The following ZNF81 variants were observed in gnomAD, a reference collection of about 807,000 sequenced individuals.
ZNF81 encodes zinc finger protein 81, also known as zinc finger protein 81 (HFZ20).
Under a neutral mutation model 32.3 loss-of-function variants are expected in ZNF81, and 5 were observed. The ratio of observed to expected loss-of-function variants is 0.15; its 90% CI spans 0.08 to 0.33. ZNF81 has a LOEUF of 0.33. ZNF81 is among the 10% of genes least tolerant of loss of function. The pLI, the probability that ZNF81 is intolerant of heterozygous loss-of-function variation, is 1.00. For missense variants in ZNF81, 379 were observed against 479.8 expected, an observed-to-expected ratio of 0.79 and a Z score of 1.96; for synonymous variants, 163 against 166.8, an observed-to-expected ratio of 0.98 and a Z score of 0.17.
Position 47,888,116 on chromosome X carries a change from C to T in ZNF81, c.172C>T (p.Leu58Phe). The T allele has an allele frequency of 1.7e-6, 2 of 1,209,219 alleles. No homozygotes were observed. The highest frequency in any genetic ancestry group is 2.3e-4 in the Middle Eastern group (1 of 4,319). The change falls in exon 3 of 5, where the codon CTC (leucine) becomes TTC (phenylalanine). Residue 58 changes from leucine (L) to phenylalanine (F), a missense_variant. Coordinates refer to ENST00000338637, the MANE Select transcript of ZNF81 (RefSeq NM_007137.5). ...AATGTTGGAGAACTACAGCCACCTGCTCTCAGTGGGTAAGGACAACCATCC... is the reference window on the plus strand; with the variant it reads ...AATGTTGGAGAACTACAGCCACCTGTTCTCAGTGGGTAAGGACAACCATCC... ...DVMLENYSHL[L>F]SVGFEVPKPE...
chrX:47,910,364 A>T (rs1330090989), intron 4 of ZNF81, among the ~76,000 whole-genome samples: 1 of 112,217 alleles, frequency 8.9e-6, no homozygotes, highest in African/African-American at 3.2e-5. Flanking sequence ...TCAAGAATCT[A>T]CAATGAACTC....
At chrX:47,894,922 A>G (rs1342873570) in intron 3 of ZNF81, among the ~76,000 whole-genome samples, 1 of 111,826 alleles carries the variant, frequency 8.9e-6, no homozygotes. Flanking sequence ...CCCAGGATGA[A>G]TTATATCCTC....
chrX:47,901,096 T>TTTTG (rs782275123), intron 4 of ZNF81, among the ~76,000 whole-genome samples: 1 of 52,488 alleles, frequency 1.9e-5, no homozygotes, highest in East Asian at 3.3e-4. Context: ...ATCTGCCTGC[T>TTTTG]TTTGTTTTTT....
chrX:47,881,766 A>G (rs1044358196), intron 2 of ZNF81, among the ~76,000 whole-genome samples: 2 of 108,928 alleles, frequency 1.8e-5, no homozygotes, highest in South Asian at 7.5e-4. Context: ...ATATTTCAAT[A>G]TATTTATTTT....
intron 2 of ZNF81, among the ~76,000 whole-genome samples, chrX:47,847,901 ATTC>A (rs1459909681): frequency 2.9e-5 from 3 of 104,260 alleles, no homozygotes; most frequent in African/African-American, 1.0e-4. Flanking sequence ...TGAGAATAGA[ATTC>A]TAGATTAGAA....
intron 3 of ZNF81, among the ~76,000 whole-genome samples, chrX:47,893,752 AC>A (rs1330571534): frequency 4.7e-5 from 5 of 106,978 alleles, no homozygotes; most frequent in African/African-American, 1.7e-4. Context: ...CTGAGATGGT[AC>A]CACTGCACTC....
At chrX:47,899,760 TA>T in intron 4 of ZNF81, among the ~76,000 whole-genome samples, 1 of 112,186 alleles carries the variant, frequency 8.9e-6, no homozygotes, top group East Asian at 2.8e-4. Context: ...CTTAATATTT[TA>T]AATAGATGTA....
chrX:47,855,533 C>G (rs2148010661), intron 2 of ZNF81, among the ~76,000 whole-genome samples: 1 of 111,484 alleles, frequency 9.0e-6, no homozygotes, highest in South Asian at 3.7e-4. Flanking sequence ...TCTAATTCCT[C>G]TATATTTGTT....
chrX:47,856,301 A>G (rs1159973581), intron 2 of ZNF81, among the ~76,000 whole-genome samples: 2 of 111,506 alleles, frequency 1.8e-5, no homozygotes, highest in Non-Finnish European at 3.8e-5. Flanking sequence ...AAAGAATCCT[A>G]TGATTCTCTT....
At chrX:47,908,352 C>CA (rs1257316233) in intron 4 of ZNF81, among the ~76,000 whole-genome samples, 2 of 109,662 alleles carry the variant, frequency 1.8e-5, no homozygotes, top group Admixed American at 9.7e-5. Context: ...TACATACATA[C>CA]AAAAAAAAGG....
At chrX:47,838,297 T>C (rs782162890) in intron 1 of ZNF81, among the ~76,000 whole-genome samples, 20 of 112,101 alleles carry the variant, frequency 1.8e-4, no homozygotes, top group Non-Finnish European at 3.2e-4. Context: ...CCAATCTTTA[T>C]ACCTCTGCTT....
rs1452114624 is a variant in ZNF81, at chrX:47,897,148, C to A, written c.277+1208C>A. On this transcript the variant is annotated intron_variant, in intron 4 of 4. Coordinates refer to ENST00000338637, the MANE Select transcript of ZNF81 (RefSeq NM_007137.5). ...TATACTTACCTTTGTAAGAAATTGC[C>A]AAACTGTATTCCAAATTGGCTGTAC... Among the ~76,000 whole-genome samples the A allele has an allele frequency of 2.7e-5, 3 of 112,129 alleles. No homozygotes were observed. The East Asian group carries it at 8.4e-4, about 31-fold the overall frequency.
intron 2 of ZNF81, among the ~76,000 whole-genome samples, chrX:47,887,210 C>A (rs2058645303): frequency 8.9e-6 from 1 of 111,894 alleles, no homozygotes. Flanking sequence ...CCCATACTGC[C>A]TGTATTACTG....
chrX:47,842,223 A>C (rs1164350311), intron 1 of ZNF81, among the ~76,000 whole-genome samples: 1 of 111,760 alleles, frequency 8.9e-6, no homozygotes, highest in Non-Finnish European at 1.9e-5. Flanking sequence ...GGTGTGGTCT[A>C]TTTGGAGAAT....
At chrX:47,887,510 T>C (rs1381789621) in intron 2 of ZNF81, among the ~76,000 whole-genome samples, 11 of 111,851 alleles carry the variant, frequency 9.8e-5, no homozygotes, top group African/African-American at 3.6e-4. Flanking sequence ...AGATAGACCA[T>C]ATGTTGAAAT....
chrX:47,862,189 C>T (rs960471517), intron 2 of ZNF81, among the ~76,000 whole-genome samples: 1 of 111,035 alleles, frequency 9.0e-6, no homozygotes, highest in East Asian at 2.8e-4. Flanking sequence ...ATGCAAATCA[C>T]CATATTTTGG....
At chrX:47,857,277 A>AC (rs2148011607) in intron 2 of ZNF81, among the ~76,000 whole-genome samples, 1 of 112,505 alleles carries the variant, frequency 8.9e-6, no homozygotes, top group East Asian at 2.8e-4. Flanking sequence ...AAGAAAAAAA[A>AC]ATTTTAAAAC....
intron 4 of ZNF81, among the ~76,000 whole-genome samples, chrX:47,914,387 AT>A (rs1201434085): frequency 1.8e-5 from 2 of 112,357 alleles, no homozygotes; most frequent in Non-Finnish European, 3.8e-5. Context: ...TCAGATTGTA[AT>A]GAAATTGAAA....
At chrX:47,900,004 G>A (rs1161346362) in intron 4 of ZNF81, among the ~76,000 whole-genome samples, 1 of 111,234 alleles carries the variant, frequency 9.0e-6, no homozygotes, top group African/African-American at 3.3e-5. Flanking sequence ...ACTCAGGTTG[G>A]TTCCATGTTG....
Sources: gnomAD v4.1 joint callset for allele counts (sites outside exome capture counted in the v4.1 genomes callset) on GRCh38, gnomAD v4.1.1 for gene constraint, MANE v1.5 for transcripts, NCBI Gene and HGNC (gene_info 2026-07-23, HGNC 2026-07-21) for gene names.